The following PARD3 variants were observed in gnomAD, a reference collection of about 807,000 sequenced individuals.
The protein encoded by PARD3 is par-3 family cell polarity regulator, also known as partitioning defective 3 homolog.
In PARD3, 75 loss-of-function variants were observed where a neutral mutation model predicts 155.4. That is an observed-to-expected ratio of 0.48 (90% CI 0.40 to 0.58). The LOEUF (loss-of-function observed/expected upper bound fraction) is 0.58, where lower values mean the gene tolerates loss of function less well. Among genes scored for constraint, PARD3 ranks in the 20% least tolerant of loss-of-function variants. The pLI is 0.00. For synonymous variants in PARD3, 576 were observed against 610.5 expected (o/e 0.94, Z 0.83); for missense variants, 1,642 against 1,721.7 (o/e 0.95, Z 0.82).
intron 2 of PARD3, among the ~76,000 whole-genome samples, chr10:34,681,768 ATTTTTTTTTTTT>A (rs56661701): frequency 5.2e-4 from 9 of 17,396 alleles, no homozygotes; most frequent in African/African-American, 1.7e-3. Flanking sequence ...ATATATATAT[ATTTTTTTTTTTT>A]TTTTTTTTTT....
chr10:34,155,719 T>G (rs183165189), intron 22 of PARD3, among the ~76,000 whole-genome samples: 89 of 144,332 alleles, frequency 6.2e-4, no homozygotes, highest in African/African-American at 2.0e-3. Flanking sequence ...GCATATATAT[T>G]TATATTAATT....
chr10:34,631,231 C>G (rs2092254515), intron 2 of PARD3, among the ~76,000 whole-genome samples: 1 of 152,210 alleles, frequency 6.6e-6, no homozygotes, highest in African/African-American at 2.4e-5. Flanking sequence ...AGCCCCTCCT[C>G]TCCTGCCCTT....
At chr10:34,674,507 G>A (rs1274127215) in intron 2 of PARD3, among the ~76,000 whole-genome samples, 1 of 99,318 alleles carries the variant, frequency 1.0e-5, no homozygotes, top group Non-Finnish European at 2.0e-5. Flanking sequence ...TTTTTTTTGA[G>A]GCAAAGTTTC....
intron 1 of PARD3, among the ~76,000 whole-genome samples, chr10:34,737,359 G>A (rs939152047): frequency 6.6e-6 from 1 of 152,208 alleles, no homozygotes; most frequent in Non-Finnish European, 1.5e-5. Context: ...CCACTCAGGT[G>A]CTTGGCTACA....
At chr10:34,358,642 G>T (rs1347899016) in intron 14 of PARD3, among the ~76,000 whole-genome samples, 1 of 152,146 alleles carries the variant, frequency 6.6e-6, no homozygotes, top group African/African-American at 2.4e-5. Context: ...GCAGCGAGCT[G>T]TGACCACAAC....
intron 22 of PARD3, among the ~76,000 whole-genome samples, chr10:34,181,372 C>A (rs1025006786): frequency 1.3e-5 from 2 of 152,100 alleles, no homozygotes; most frequent in Non-Finnish European, 2.9e-5. Context: ...TTCAAAAATA[C>A]GTATCTGTAT....
intron 18 of PARD3, among the ~76,000 whole-genome samples, chr10:34,332,996 C>T (rs947963036): frequency 6.6e-6 from 1 of 152,080 alleles, no homozygotes; most frequent in Non-Finnish European, 1.5e-5. Context: ...GGATATTTAC[C>T]TTTATAGTTC....
At chr10:34,775,223 A>AGTATAT (rs1839391454) in intron 1 of PARD3, among the ~76,000 whole-genome samples, 1 of 152,194 alleles carries the variant, frequency 6.6e-6, no homozygotes. Flanking sequence ...TTGACCACCA[A>AGTATAT]AAGGAACAAA....
chr10:34,320,991 T>C (rs1958337248), intron 19 of PARD3, among the ~76,000 whole-genome samples: 3 of 152,230 alleles, frequency 2.0e-5, no homozygotes, highest in African/African-American at 4.8e-5. Context: ...GAATTATATA[T>C]ACTTCAAATT....
chr10:34,154,797 T>C (rs1588954576), intron 22 of PARD3, among the ~76,000 whole-genome samples: 1 of 152,306 alleles, frequency 6.6e-6, no homozygotes, highest in Middle Eastern at 3.4e-3. Context: ...AACTCATGGG[T>C]TCTGCCTGAG....
intron 23 of PARD3, among the ~76,000 whole-genome samples, chr10:34,124,600 G>A (rs1384580458): frequency 6.6e-6 from 1 of 152,140 alleles, no homozygotes; most frequent in African/African-American, 2.4e-5. Context: ...CCATAATTAT[G>A]TAACTATTGA....
chr10:34,360,963 A>G (rs1303402298), intron 12 of PARD3, among the ~76,000 whole-genome samples: 1 of 152,236 alleles, frequency 6.6e-6, no homozygotes, highest in Non-Finnish European at 1.5e-5. Context: ...AATAAAAAAC[A>G]TTTAGGATAT....
chr10:34,422,636 C>T (rs1419095178), intron 5 of PARD3, among the ~76,000 whole-genome samples: 2 of 151,604 alleles, frequency 1.3e-5, no homozygotes, highest in Non-Finnish European at 2.9e-5. Context: ...TCTGAATAGA[C>T]ATTTCTCAAA....
In PARD3 at chr10:34,792,471, G is replaced by A. The variant is rs1841772301; in HGVS notation, c.120+22405C>T. Among the ~76,000 whole-genome samples, 4 of 152,154 alleles carry A rather than the reference G, an allele frequency of 2.6e-5. No individual in the cohort carries two copies. The South Asian group carries it at 8.3e-4, about 32-fold the overall frequency. Reference sequence around the variant, plus strand: ...CTCTACTTAGCAGAGTACAGCAAATGCTAAAATACACCTCAATATTCACTT... The same window carrying A: ...CTCTACTTAGCAGAGTACAGCAAATACTAAAATACACCTCAATATTCACTT... On this transcript the variant is annotated intron_variant, in intron 1 of 24. Coordinates refer to ENST00000374788, the MANE Select transcript of PARD3 (RefSeq NM_001184785.2).
At chr10:34,322,124 C>A (rs1053201017) in intron 19 of PARD3, among the ~76,000 whole-genome samples, 3 of 152,140 alleles carry the variant, frequency 2.0e-5, no homozygotes, top group Non-Finnish European at 4.4e-5. Flanking sequence ...GGATGCCATA[C>A]CCCTGCAGAC....
intron 2 of PARD3, among the ~76,000 whole-genome samples, chr10:34,694,310 T>C (rs1030914631): frequency 1.3e-5 from 2 of 152,082 alleles, no homozygotes; most frequent in African/African-American, 4.8e-5. Context: ...GCCTTGAGTG[T>C]TGGAATTGAG....
intron 22 of PARD3, among the ~76,000 whole-genome samples, chr10:34,167,211 T>C (rs749194402): frequency 6.6e-6 from 1 of 152,114 alleles, no homozygotes; most frequent in Admixed American, 6.5e-5. Flanking sequence ...AGTATTCATA[T>C]AGACCTTACC....
At chr10:34,767,479 G>A (rs1010031349) in intron 1 of PARD3, among the ~76,000 whole-genome samples, 4 of 152,062 alleles carry the variant, frequency 2.6e-5, no homozygotes, top group Admixed American at 6.5e-5. Flanking sequence ...GCAGCCTGAC[G>A]GACTCCGTGA....
At chr10:34,387,506 C>T (rs760027369) in intron 7 of PARD3, among the ~76,000 whole-genome samples, 3 of 152,112 alleles carry the variant, frequency 2.0e-5, no homozygotes, top group South Asian at 2.1e-4. Context: ...GCTCAAACCC[C>T]GGGGCTCAAG....
Sources: gnomAD v4.1 joint callset for allele counts (sites outside exome capture counted in the v4.1 genomes callset) on GRCh38, gnomAD v4.1.1 for gene constraint, MANE v1.5 for transcripts, NCBI Gene and HGNC (gene_info 2026-07-23, HGNC 2026-07-21) for gene names.